The following HES7 variants were observed in gnomAD, a reference collection of about 807,000 sequenced individuals.
HES7 encodes the protein hes family bHLH transcription factor 7, also known as transcription factor HES-7.
HES7 carries 8 observed loss-of-function variants against 18.0 expected under a neutral mutation model. The ratio of observed to expected loss-of-function variants is 0.45; its 90% CI spans 0.26 to 0.80. HES7 has a LOEUF of 0.80. HES7 is among the 30% of genes least tolerant of loss of function. The pLI is 0.18. For missense variants in HES7, 356 were observed against 340.9 expected (o/e 1.04, Z -0.35); for synonymous variants, 170 against 158.6 (o/e 1.07, Z -0.54).
Position 8,122,279 on chromosome 17 carries a change from G to A in HES7, c.226+64C>T. On this transcript the variant is annotated intron_variant, in intron 3 of 3. Coordinates refer to ENST00000541682, the MANE Select transcript of HES7 (RefSeq NM_001165967.2). This position sits in a 1 kb window ranked among gnomAD's most constrained non-coding sequence, Gnocchi z 6.9. ...ATCCACCGCAGGGCCCGCCCACTCT[G>A]CCCCGGCCGGAGCCTCCTGGCGTCC... 7.2e-7 allele frequency: 1 copy of A among 1,395,198 alleles called. No homozygotes were observed. The highest frequency in any genetic ancestry group is 9.9e-7 in the Non-Finnish European group (1 of 1,008,836). 86.4% of individuals were successfully genotyped at this position (1,395,198 alleles called of 1,614,324 possible). A position where few individuals can be genotyped will look rare whatever the true frequency, so the allele number is the denominator to read the frequency against.
In HES7 at chr17:8,122,469, T is replaced by A. The variant is rs1257566379; in HGVS notation, c.139-39A>T. On this transcript the variant is annotated intron_variant, in intron 2 of 3. Coordinates refer to ENST00000541682, the MANE Select transcript of HES7 (RefSeq NM_001165967.2). The surrounding 1 kb of genome is among the most constrained non-coding windows in gnomAD (Gnocchi z 6.9). Reference sequence around the variant, plus strand: ...GGGAGGGCGCAGAGACAGAAAGGGGTGGGGAGAAAGGGGGAAAGTGGCAGG... The same window carrying A: ...GGGAGGGCGCAGAGACAGAAAGGGGAGGGGAGAAAGGGGGAAAGTGGCAGG... The A allele has an allele frequency of 1.6e-6, 2 of 1,234,996 alleles. No individual in the cohort carries two copies. The highest frequency in any genetic ancestry group is 2.3e-6 in the Non-Finnish European group (2 of 879,768). The allele number at this position is 1,234,996 out of a possible 1,614,324, so 76.5% of individuals were successfully genotyped here.
At chr17:8,126,356 C>T (rs941481766), upstream of HES7, among the ~76,000 whole-genome samples, 1 of 152,140 alleles carries the variant, frequency 6.6e-6, no homozygotes, top group Non-Finnish European at 1.5e-5. Flanking sequence ...CTCCTCCCTC[C>T]GCATCTCTGA....
chr17:8,122,462 A>T lies in HES7; in HGVS notation c.139-32T>A. ...ACGGGAGGGGAGGGCGCAGAGACAG[A>T]AAGGGGTGGGGAGAAAGGGGGAAAG... is the stretch of plus-strand genomic sequence containing the variant. On this transcript the variant is annotated intron_variant, in intron 2 of 3. Coordinates refer to ENST00000541682, the MANE Select transcript of HES7 (RefSeq NM_001165967.2). The surrounding 1 kb of genome is among the most constrained non-coding windows in gnomAD (Gnocchi z 6.9). 6.8e-7 allele frequency: 1 copy of T among 1,465,098 alleles called. No homozygotes were observed. Among genetic ancestry groups the T allele is most frequent in the Non-Finnish European group, 9.4e-7 (1 of 1,066,978 alleles). 90.8% of individuals were successfully genotyped at this position (1,465,098 alleles called of 1,614,324 possible). A position where few individuals can be genotyped will look rare whatever the true frequency, so the allele number is the denominator to read the frequency against.
At position 8,121,673 on chromosome 17, in the gene HES7, G is replaced by C; in HGVS notation, c.591C>G (p.Pro197=). 6.8e-6 allele frequency: 9 copies of C among 1,327,376 alleles called. No homozygotes were observed. Among genetic ancestry groups the C allele is most frequent in the South Asian group, 2.1e-5 (1 of 48,124 alleles). 82.2% of individuals were successfully genotyped at this position (1,327,376 alleles called of 1,614,324 possible). A position where few individuals can be genotyped will look rare whatever the true frequency, so the allele number is the denominator to read the frequency against. Reference sequence around the variant, plus strand: ...GTGGCGGCGGCAGCAGTCCGGTGAGGGGCGCCGGCGCGCCAGAATCCCCGG... The same window carrying C: ...GTGGCGGCGGCAGCAGTCCGGTGAGCGGCGCCGGCGCGCCAGAATCCCCGG... ...PRAGDSGAPA[P]LTGLLPPPPP... Residue 197 remains proline (P), a synonymous_variant, in exon 4 of 4, where the codon CCC becomes CCG. Coordinates refer to ENST00000541682, the MANE Select transcript of HES7 (RefSeq NM_001165967.2).
At position 8,122,138 on chromosome 17, in the gene HES7, A is replaced by G. The variant is rs1341954890; in HGVS notation, c.227-101T>C. ...ATACCAAGGCCGGACAGGCGCACAG[A>G]GACAGGAAGCCAGATGGACGGAAAG... On this transcript the variant is annotated intron_variant, in intron 3 of 3. Transcript: ENST00000541682. The surrounding 1 kb of genome is among the most constrained non-coding windows in gnomAD (Gnocchi z 6.9). 4.5e-6 allele frequency: 5 copies of G among 1,122,338 alleles called. No individual in the cohort carries two copies. Among genetic ancestry groups the G allele is most frequent in the Non-Finnish European group, 6.2e-6 (5 of 809,378 alleles). The allele number at this position is 1,122,338 out of a possible 1,614,324, so 69.5% of individuals were successfully genotyped here. A position where few individuals can be genotyped will look rare whatever the true frequency, so the allele number is the denominator to read the frequency against.
chr17:8,122,198 G>A lies in HES7; in HGVS notation c.226+145C>T. Reference sequence around the variant, plus strand: ...ATGAGGGAGACACAGAGACAGACACGCGCGGGTGTTATTAACCTCGCCTCG... The same window carrying A: ...ATGAGGGAGACACAGAGACAGACACACGCGGGTGTTATTAACCTCGCCTCG... On this transcript the variant is annotated intron_variant, in intron 3 of 3. Transcript: ENST00000541682. The surrounding 1 kb of genome is among the most constrained non-coding windows in gnomAD (Gnocchi z 6.9). 1.1e-6 allele frequency: 1 copy of A among 897,090 alleles called. No homozygotes were observed. The highest frequency in any genetic ancestry group is 2.7e-5 in the East Asian group (1 of 37,216). 55.6% of individuals were successfully genotyped at this position (897,090 alleles called of 1,614,324 possible). A position where few individuals can be genotyped will look rare whatever the true frequency, so the allele number is the denominator to read the frequency against.
rs1981398599 is a variant in HES7, at chr17:8,122,355, C to T, written c.214G>A (p.Val72Met). ...CCCCGCGCTGTACCCGGGGGCTCCA[C>T]CCGGCTTCGCTCCCTCAAGTAGCCC... is the stretch of plus-strand genomic sequence containing the variant. ...AVGYLRERSRVEPPAAAAPGV... is the reference protein window; with the variant it reads ...AVGYLRERSRMEPPAAAAPGV... The change falls in exon 3 of 4, where the codon GTG becomes ATG. Residue 72 changes from valine (V) to methionine (M), a missense_variant. Transcript: ENST00000541682. This position sits in a 1 kb window ranked among gnomAD's most constrained non-coding sequence, Gnocchi z 6.9. 6.3e-7 allele frequency: 1 copy of T among 1,593,010 alleles called. No homozygotes were observed. Among genetic ancestry groups the T allele is most frequent in the African/African-American group, 1.3e-5 (1 of 74,472 alleles).
Position 8,122,305 on chromosome 17 carries a change from C to T in HES7, c.226+38G>A. On this transcript the variant is annotated intron_variant, in intron 3 of 3. Transcript: ENST00000541682. This position sits in a 1 kb window ranked among gnomAD's most constrained non-coding sequence, Gnocchi z 6.9. ...CCCCGGCCGGAGCCTCCTGGCGTCCCCCCTCCCTCCCTCCGCTGCCCCACC... is the reference window on the plus strand; with the variant it reads ...CCCCGGCCGGAGCCTCCTGGCGTCCTCCCTCCCTCCCTCCGCTGCCCCACC... 6.8e-7 allele frequency: 1 copy of T among 1,460,546 alleles called. No homozygotes were observed. Among genetic ancestry groups the T allele is most frequent in the Non-Finnish European group, 9.4e-7 (1 of 1,065,244 alleles). The allele number at this position is 1,460,546 out of a possible 1,614,324, so 90.5% of individuals were successfully genotyped here. A position where few individuals can be genotyped will look rare whatever the true frequency, so the allele number is the denominator to read the frequency against.
In HES7 at chr17:8,123,946, C is replaced by G; in HGVS notation, c.42+97G>C. ...GTTCTGGAGCACCGCTCCCCTTCCA[C>G]CCCTGCGTCCCCAGCCTCTCTCCAG... On this transcript the variant is annotated intron_variant, in intron 1 of 3. Transcript: ENST00000541682. The surrounding 1 kb of genome is among the most constrained non-coding windows in gnomAD (Gnocchi z 5.9). 1 of 1,367,706 alleles carries G rather than the reference C, an allele frequency of 7.3e-7. No individual in the cohort carries two copies. The highest frequency in any genetic ancestry group is 1.0e-6 in the Non-Finnish European group (1 of 969,380). The allele number at this position is 1,367,706 out of a possible 1,614,324, so 84.7% of individuals were successfully genotyped here. A position where few individuals can be genotyped will look rare whatever the true frequency, so the allele number is the denominator to read the frequency against.
rs1423721023 is a variant in HES7 at position 8,121,143 on chromosome 17, C to T, written c.*428G>A. The T allele has an allele frequency of 6.1e-6, 1 of 162,700 alleles. No individual in the cohort carries two copies. Among genetic ancestry groups the T allele is most frequent in the Non-Finnish European group, 1.3e-5 (1 of 75,174 alleles). The allele number at this position is 162,700 out of a possible 1,614,324, so 10.1% of individuals were successfully genotyped here. On this transcript the variant is annotated 3_prime_UTR_variant, in exon 4 of 4. Transcript: ENST00000541682. ...AGTTCCCGCTCTGCTCTCTTCTTTACTTACCTGTCTGCCCCGGGGCTTGGG... is the reference window on the plus strand; with the variant it reads ...AGTTCCCGCTCTGCTCTCTTCTTTATTTACCTGTCTGCCCCGGGGCTTGGG...
chr17:8,126,237 C>T (rs773306159), upstream of HES7, among the ~76,000 whole-genome samples: 21 of 152,174 alleles, frequency 1.4e-4, no homozygotes, highest in Non-Finnish European at 2.9e-4. Flanking sequence ...TTTTGTCTCG[C>T]CTCCTTTCCG....
rs1981466368 is a variant in HES7, at chr17:8,123,438, G to C, written c.43-312C>G. Reference sequence around the variant, plus strand: ...GGTGCAGTTTCTCTTTGTCTCAGTGGAGAACTTTGGGGACTCTCTGCGCGC... The same window carrying C: ...GGTGCAGTTTCTCTTTGTCTCAGTGCAGAACTTTGGGGACTCTCTGCGCGC... On this transcript the variant is annotated intron_variant, in intron 1 of 3. Coordinates refer to ENST00000541682, the MANE Select transcript of HES7 (RefSeq NM_001165967.2). The surrounding 1 kb of genome is among the most constrained non-coding windows in gnomAD (Gnocchi z 5.9). 1 of 478,684 alleles carries C rather than the reference G, an allele frequency of 2.1e-6. No individual in the cohort carries two copies. Among genetic ancestry groups the C allele is most frequent in the Non-Finnish European group, 3.8e-6 (1 of 261,678 alleles). 29.7% of individuals were successfully genotyped at this position (478,684 alleles called of 1,614,324 possible).
At position 8,121,840 on chromosome 17, in the gene HES7, C is replaced by A. The variant is rs767564054; in HGVS notation, c.424G>T (p.Asp142Tyr). The change falls in exon 4 of 4, where the codon GAT becomes TAT. Residue 142 changes from aspartate (D) to tyrosine (Y), a missense_variant. Transcript: ENST00000541682. ...GGGCGCGGCGCTGGAGGCCTCGGATCTACCGGCTTGGGCCGGGGCGGTTTG... is the reference window on the plus strand; with the variant it reads ...GGGCGCGGCGCTGGAGGCCTCGGATATACCGGCTTGGGCCGGGGCGGTTTG... The part of the protein sequence containing the change: ...RPKPPRPKPV[D>Y]PRPPAPRPSL... 128 of 1,572,066 alleles carry A rather than the reference C, an allele frequency of 8.1e-5. No homozygotes were observed. The highest frequency in any genetic ancestry group is 1.1e-4 in the Non-Finnish European group (123 of 1,169,542).
chr17:8,126,523 C>T (rs1176488724), upstream of HES7, among the ~76,000 whole-genome samples: 1 of 152,206 alleles, frequency 6.6e-6, no homozygotes, highest in East Asian at 1.9e-4. Flanking sequence ...CTTCCAGGTT[C>T]CTGCCACCTC....
In HES7 at chr17:8,123,512, A is replaced by G. The variant is rs1017705876; in HGVS notation, c.43-386T>C. On this transcript the variant is annotated intron_variant, in intron 1 of 3. Transcript: ENST00000541682. The surrounding 1 kb of genome is among the most constrained non-coding windows in gnomAD (Gnocchi z 5.9). ...GGGCTCAGACCTGGCGGCCCTGAGTATAGAAAGGGAGATACCTAGCGCGAC... is the reference window on the plus strand; with the variant it reads ...GGGCTCAGACCTGGCGGCCCTGAGTGTAGAAAGGGAGATACCTAGCGCGAC... 1 of 339,180 alleles carries G rather than the reference A, an allele frequency of 2.9e-6. No homozygotes were observed. The highest frequency in any genetic ancestry group is 5.5e-6 in the Non-Finnish European group (1 of 181,134). The allele number at this position is 339,180 out of a possible 1,614,324, so 21.0% of individuals were successfully genotyped here.
At position 8,121,827 on chromosome 17, in the gene HES7, G is replaced by A. The variant is rs752201429; in HGVS notation, c.437C>T (p.Pro146Leu). 5 of 1,569,592 alleles carry A rather than the reference G, an allele frequency of 3.2e-6. No individual in the cohort carries two copies. The East Asian group carries it at 9.7e-5, about 30-fold the overall frequency. ...PRPKPVDPRPPAPRPSLDPAA... is the reference protein window; with the variant it reads ...PRPKPVDPRPLAPRPSLDPAA... ...GGGGTCCAGGGATGGGCGCGGCGCT[G>A]GAGGCCTCGGATCTACCGGCTTGGG... Residue 146 changes from proline to leucine, a missense_variant, in exon 4 of 4, where the codon CCA becomes CTA. Physicochemically the swap from Pro to Leu is moderately conservative, Grantham distance 98 (BLOSUM62 -3). Transcript: ENST00000541682.
At position 8,123,996 on chromosome 17, in the gene HES7, C is replaced by T; in HGVS notation, c.42+47G>A. 1 of 1,609,058 alleles carries T rather than the reference C, an allele frequency of 6.2e-7. No individual in the cohort carries two copies. The highest frequency in any genetic ancestry group is 2.2e-5 in the East Asian group (1 of 44,810). ...GACCGACGGCGTCAGGGGCCCAGTC[C>T]CCTAGCCAAACCAGGGACCTCTGCT... On this transcript the variant is annotated intron_variant, in intron 1 of 3. Coordinates refer to ENST00000541682, the MANE Select transcript of HES7 (RefSeq NM_001165967.2). This position sits in a 1 kb window ranked among gnomAD's most constrained non-coding sequence, Gnocchi z 5.9.
At chr17:8,126,491 T>G (rs962538140), upstream of HES7, among the ~76,000 whole-genome samples, 1 of 152,088 alleles carries the variant, frequency 6.6e-6, no homozygotes, top group Non-Finnish European at 1.5e-5. Flanking sequence ...GCTCCTGCCA[T>G]CCCCTGGGAA....
Position 8,121,410 on chromosome 17 carries a change from A to G in HES7, c.*161T>C, listed in dbSNP as rs1221810635. The G allele has an allele frequency of 4.6e-6, 2 of 437,134 alleles. No homozygotes were observed. Among genetic ancestry groups the G allele is most frequent in the Non-Finnish European group, 7.6e-6 (2 of 261,870 alleles). The allele number at this position is 437,134 out of a possible 1,614,324, so 27.1% of individuals were successfully genotyped here. A position where few individuals can be genotyped will look rare whatever the true frequency, so the allele number is the denominator to read the frequency against. Reference sequence around the variant, plus strand: ...AGGAACCAGGGAAATATATATTTATATAGATACTCTAATATAGACCACATC... The same window carrying G: ...AGGAACCAGGGAAATATATATTTATGTAGATACTCTAATATAGACCACATC... On this transcript the variant is annotated 3_prime_UTR_variant, in exon 4 of 4. Coordinates refer to ENST00000541682, the MANE Select transcript of HES7 (RefSeq NM_001165967.2).
Sources: allele counts gnomAD v4.1 joint callset (sites outside exome capture counted in the v4.1 genomes callset), GRCh38; gene constraint gnomAD v4.1.1; non-coding constraint Gnocchi (gnomAD v3.1); transcripts MANE v1.5; gene names NCBI Gene and HGNC (gene_info 2026-07-23, HGNC 2026-07-21).